The following TRABD2B variants were observed in gnomAD, a reference collection of about 807,000 sequenced individuals.
The protein encoded by TRABD2B is TraB domain containing 2B, also known as metalloprotease TIKI2.
Under a neutral mutation model 40.1 loss-of-function variants are expected in TRABD2B, and 14 were observed. The observed-to-expected ratio is 0.35, with a 90% CI of 0.23 to 0.55. TRABD2B has a LOEUF of 0.55. TRABD2B is among the 20% of genes least tolerant of loss of function. TRABD2B has a pLI of 0.90. For synonymous variants in TRABD2B, 263 were observed against 277.0 expected, an observed-to-expected ratio of 0.95 and a Z score of 0.50; for missense variants, 541 against 648.6, an observed-to-expected ratio of 0.83 and a Z score of 1.80.
At chr1:47,958,716 C>G (rs1645462779) in intron 2 of TRABD2B, among the ~76,000 whole-genome samples, 1 of 152,094 alleles carries the variant, frequency 6.6e-6, no homozygotes, top group Non-Finnish European at 1.5e-5. Flanking sequence ...TAAAGCAAGT[C>G]CTTAGAGACC....
chr1:47,965,221 GGT>G (rs1491445528), intron 2 of TRABD2B, among the ~76,000 whole-genome samples: 2 of 112,030 alleles, frequency 1.8e-5, no homozygotes, highest in African/African-American at 3.4e-5. Flanking sequence ...TGGAGGGGGG[GGT>G]GGGGGGGGTG....
intron 2 of TRABD2B, among the ~76,000 whole-genome samples, chr1:47,969,784 G>A (rs1476118406): frequency 6.6e-6 from 1 of 152,188 alleles, no homozygotes; most frequent in Non-Finnish European, 1.5e-5. Flanking sequence ...CAGCCCTGGG[G>A]TTCAGAGGGA....
intron 4 of TRABD2B, 125 bp downstream of exon 4, chr1:47,794,461 A>T (rs1644717629): frequency 9.3e-7 from 1 of 1,073,168 alleles, no homozygotes; most frequent in African/African-American, 1.6e-5. Context: ...GCTGCTAAGC[A>T]CTGTGTGGCT....
At chr1:47,945,988 T>C (rs1272914068) in intron 2 of TRABD2B, among the ~76,000 whole-genome samples, 1 of 152,242 alleles carries the variant, frequency 6.6e-6, no homozygotes, top group African/African-American at 2.4e-5. Context: ...AGAGTGGTTG[T>C]ACCATTTTGC....
intron 2 of TRABD2B, among the ~76,000 whole-genome samples, chr1:47,951,564 C>G (rs564467852): frequency 6.6e-6 from 1 of 152,180 alleles, no homozygotes; most frequent in African/African-American, 2.4e-5. Flanking sequence ...CCAGGCTAGG[C>G]TGCTGCGGCC....
At chr1:47,890,574 G>T (rs1017042576) in intron 2 of TRABD2B, among the ~76,000 whole-genome samples, 4 of 152,240 alleles carry the variant, frequency 2.6e-5, no homozygotes, top group South Asian at 2.1e-4. Flanking sequence ...CTGCTGGGGG[G>T]GCCCAGGTGT....
chr1:47,927,731 C>T (rs1449061223), intron 2 of TRABD2B, among the ~76,000 whole-genome samples: 2 of 152,196 alleles, frequency 1.3e-5, no homozygotes, highest in African/African-American at 2.4e-5. Flanking sequence ...GGAAAGGCAC[C>T]CTGCAAGCGC....
chr1:47,952,273 C>G (rs1214833382), intron 2 of TRABD2B, among the ~76,000 whole-genome samples: 1 of 152,174 alleles, frequency 6.6e-6, no homozygotes, highest in Non-Finnish European at 1.5e-5. Context: ...CAAATGTGCT[C>G]CTTCATTGAG....
Position 47,996,731 on chromosome 1 carries a change from C to A in TRABD2B, c.59G>T (p.Arg20Leu), listed in dbSNP as rs1646098194. The A allele has an allele frequency of 1.6e-6, 2 of 1,226,244 alleles. No homozygotes were observed. The highest frequency in any genetic ancestry group is 2.0e-6 in the Non-Finnish European group (2 of 983,658). 76.0% of individuals were successfully genotyped at this position (1,226,244 alleles called of 1,614,324 possible). A position where few individuals can be genotyped will look rare whatever the true frequency, so the allele number is the denominator to read the frequency against. Residue 20 changes from arginine (R) to leucine (L), a missense_variant, in exon 1 of 7, where the codon CGC becomes CTC. Transcript: ENST00000606738. The surrounding 1 kb of genome is among the most constrained non-coding windows in gnomAD (Gnocchi z 4.6). ...CTGTCCTCCGTCCGGGGGCTGCGGG[C>A]GGGCGCGAGCGGTGGCGAGGAGGGC... Reference protein sequence around the residue: ...LAALLATARARPQPPDGGQCR... With the variant: ...LAALLATARALPQPPDGGQCR...
chr1:47,960,636 T>C (rs1483357202), intron 2 of TRABD2B, among the ~76,000 whole-genome samples: 1 of 151,948 alleles, frequency 6.6e-6, no homozygotes, highest in African/African-American at 2.4e-5. Context: ...ATAAAATACC[T>C]AGGAATCCAA....
intron 2 of TRABD2B, among the ~76,000 whole-genome samples, chr1:47,864,511 T>G (rs1304455626): frequency 6.6e-6 from 1 of 152,212 alleles, no homozygotes; most frequent in Non-Finnish European, 1.5e-5. Flanking sequence ...TTGAGAAACT[T>G]TAGTCTACAC....
chr1:47,985,452 C>G (rs2148450093), intron 2 of TRABD2B, among the ~76,000 whole-genome samples: 2 of 152,344 alleles, frequency 1.3e-5, no homozygotes, highest in Admixed American at 1.3e-4. Context: ...GGGTGGTGGT[C>G]AGGTGCTGTT....
Position 47,997,018 on chromosome 1 carries a change from C to A in TRABD2B, c.-229G>T. On this transcript the variant is annotated 5_prime_UTR_variant, in exon 1 of 7. Coordinates refer to ENST00000606738, the MANE Select transcript of TRABD2B (RefSeq NM_001194986.2). ...ACCCTCTAGGGCTGGGCCCCTCCCC[C>A]GGGCGCTCAACCTCGCTGGCCGAGC... The A allele has an allele frequency of 9.3e-7, 1 of 1,070,006 alleles. No homozygotes were observed. Among genetic ancestry groups the A allele is most frequent in the Non-Finnish European group, 1.1e-6 (1 of 885,888 alleles). The allele number at this position is 1,070,006 out of a possible 1,614,324, so 66.3% of individuals were successfully genotyped here. A position where few individuals can be genotyped will look rare whatever the true frequency, so the allele number is the denominator to read the frequency against.
chr1:47,909,914 C>T (rs1286799069), intron 2 of TRABD2B, among the ~76,000 whole-genome samples: 1 of 151,480 alleles, frequency 6.6e-6, no homozygotes, highest in African/African-American at 2.4e-5. Context: ...GGCTGGAGCA[C>T]AGTGGCACAA....
In TRABD2B at chr1:47,886,315, T is replaced by G. The variant is rs1297533858; in HGVS notation, c.667-84696A>C. On this transcript the variant is annotated intron_variant, in intron 2 of 6. Transcript: ENST00000606738. The stretch of plus-strand genomic sequence containing the variant: ...AGAGCATATGCACTGTTCAGCATGA[T>G]GGATGAACTTTACCCGCTGAAGTGT... Among the ~76,000 whole-genome samples the G allele has an allele frequency of 3.9e-5, 6 of 152,338 alleles. No homozygotes were observed. In the Middle Eastern group the frequency reaches 0.01, roughly 259 times the overall value.
At chr1:47,921,492 ACT>A (rs1318952062) in intron 2 of TRABD2B, among the ~76,000 whole-genome samples, 1 of 152,194 alleles carries the variant, frequency 6.6e-6, no homozygotes, top group Non-Finnish European at 1.5e-5. Flanking sequence ...AAATGAAGTC[ACT>A]GTTTCCCTCC....
chr1:47,791,764 G>A (rs1254125532), intron 4 of TRABD2B, among the ~76,000 whole-genome samples: 1 of 152,186 alleles, frequency 6.6e-6, no homozygotes, highest in Admixed American at 6.5e-5. Flanking sequence ...AGGCCGGAGT[G>A]GACTTCCCTC....
intron 2 of TRABD2B, among the ~76,000 whole-genome samples, chr1:47,874,796 T>A (rs1644200567): frequency 6.6e-6 from 1 of 150,924 alleles, no homozygotes; most frequent in Admixed American, 6.6e-5. Context: ...AAGAGACGGA[T>A]TGGTCTCCAA....
intron 2 of TRABD2B, among the ~76,000 whole-genome samples, chr1:47,938,985 T>C (rs1645151179): frequency 6.6e-6 from 1 of 151,550 alleles, no homozygotes; most frequent in Non-Finnish European, 1.5e-5. Flanking sequence ...CAGAGGGGTG[T>C]GAATTAGGAG....
Sources: allele counts gnomAD v4.1 joint callset (sites outside exome capture counted in the v4.1 genomes callset), GRCh38; gene constraint gnomAD v4.1.1; non-coding constraint Gnocchi (gnomAD v3.1); transcripts MANE v1.5; gene names NCBI Gene and HGNC (gene_info 2026-07-23, HGNC 2026-07-21).